The following SH3KBP1 variants were observed in gnomAD, a reference collection of about 807,000 sequenced individuals.
SH3KBP1 encodes the protein SH3 domain-containing kinase-binding protein 1.
A neutral mutation model predicts 50.1 loss-of-function variants in SH3KBP1; 8 were observed. The ratio of observed to expected loss-of-function variants is 0.16; its 90% CI spans 0.09 to 0.29. SH3KBP1 has a LOEUF of 0.29. Ranked by LOEUF, SH3KBP1 falls within the 10% of genes least tolerant of loss-of-function variation. The pLI is 1.00. For synonymous variants in SH3KBP1, 227 were observed against 218.6 expected (o/e 1.04, Z -0.34); for missense variants, 377 against 535.2 (o/e 0.70, Z 2.92).
In SH3KBP1 at chrX:19,546,989, G is replaced by A. The variant is rs1302206953; in HGVS notation, c.1495-939C>T. ...CAACATGGCGAAACTCTATCTCTAC[G>A]AAAAATACAAAAATTGGCCAGGCAT... On this transcript the variant is annotated intron_variant, in intron 14 of 17. Transcript: ENST00000397821. Among the ~76,000 whole-genome samples, 3 of 110,104 alleles carry A rather than the reference G, an allele frequency of 2.7e-5. No individual in the cohort carries two copies. In the Admixed American group the frequency reaches 2.9e-4, roughly 11 times the overall value.
chrX:19,631,060 C>T (rs1000854490), intron 8 of SH3KBP1, among the ~76,000 whole-genome samples: 2 of 111,976 alleles, frequency 1.8e-5, no homozygotes, highest in African/African-American at 6.5e-5. Context: ...GATGATCTCC[C>T]AAGTCACACT....
At chrX:19,850,175 TG>T (rs1415573304) in intron 1 of SH3KBP1, among the ~76,000 whole-genome samples, 1 of 111,670 alleles carries the variant, frequency 9.0e-6, no homozygotes, top group Non-Finnish European at 1.9e-5. Context: ...TAAAGGGTAC[TG>T]GGCATCTATA....
At chrX:19,536,650 C>T (rs952159939) in intron 17 of SH3KBP1, among the ~76,000 whole-genome samples, 192 bp from the exon 18 acceptor site, 15 of 112,224 alleles carry the variant, frequency 1.3e-4, no homozygotes, top group Admixed American at 3.8e-4. Context: ...CACACAGACA[C>T]GAGGCACTAG....
intron 8 of SH3KBP1, among the ~76,000 whole-genome samples, chrX:19,620,145 G>A (rs1223727102): frequency 8.9e-6 from 1 of 112,265 alleles, no homozygotes; most frequent in Non-Finnish European, 1.9e-5. Context: ...TGCTTCACAG[G>A]TAGACAGTAG....
At chrX:19,552,840 T>TA (rs1260278417) in intron 13 of SH3KBP1, among the ~76,000 whole-genome samples, 2 of 109,602 alleles carry the variant, frequency 1.8e-5, no homozygotes, top group Non-Finnish European at 3.8e-5. Context: ...AGCACTGCTC[T>TA]AGAGGAGGCT....
intron 2 of SH3KBP1, among the ~76,000 whole-genome samples, chrX:19,812,137 C>T (rs1344699302): frequency 9.0e-6 from 1 of 111,630 alleles, no homozygotes; most frequent in African/African-American, 3.3e-5. Context: ...GATATCATCT[C>T]TTTGTTAGTC....
At chrX:19,602,143 C>A (rs1280912731) in intron 9 of SH3KBP1, among the ~76,000 whole-genome samples, 2 of 110,857 alleles carry the variant, frequency 1.8e-5, no homozygotes, top group African/African-American at 3.3e-5. Flanking sequence ...AGGATCTGGG[C>A]CTCTCTTGGT....
chrX:19,620,983 AG>A (rs1206451228), intron 8 of SH3KBP1, among the ~76,000 whole-genome samples: 1 of 91,278 alleles, frequency 1.1e-5, no homozygotes. Context: ...GTCCATTTTG[AG>A]TTAAATTTGT....
chrX:19,778,042 T>A (rs1171361089), intron 2 of SH3KBP1, among the ~76,000 whole-genome samples: 2 of 110,854 alleles, frequency 1.8e-5, no homozygotes, highest in Non-Finnish European at 3.8e-5. Flanking sequence ...ATCCTACTCC[T>A]CCAGGAAGAA....
chrX:19,804,040 C>T (rs960442341), intron 2 of SH3KBP1, among the ~76,000 whole-genome samples: 19 of 111,680 alleles, frequency 1.7e-4, no homozygotes, highest in African/African-American at 5.2e-4. Flanking sequence ...GGCATGGTGG[C>T]GGGTGCCTGT....
intron 2 of SH3KBP1, among the ~76,000 whole-genome samples, chrX:19,818,181 A>G (rs981570637): frequency 2.7e-5 from 3 of 112,122 alleles, no homozygotes; most frequent in African/African-American, 6.5e-5. Context: ...CTGTATTTCA[A>G]TTCTTTTGGG....
intron 6 of SH3KBP1, among the ~76,000 whole-genome samples, chrX:19,661,990 T>C (rs773701038): frequency 2.7e-5 from 3 of 111,770 alleles, no homozygotes; most frequent in Non-Finnish European, 5.6e-5. Context: ...GTTCTACCCC[T>C]CCACGTTATT....
At chrX:19,598,254 TTTATTTA>T (rs1368648506) in intron 9 of SH3KBP1, among the ~76,000 whole-genome samples, 1 of 108,325 alleles carries the variant, frequency 9.2e-6, no homozygotes. Context: ...TATTTATTTA[TTTATTTA>T]TTTATTTATT....
At chrX:19,593,943 A>G (rs909321581) in intron 10 of SH3KBP1, among the ~76,000 whole-genome samples, 3 of 112,417 alleles carry the variant, frequency 2.7e-5, no homozygotes, top group Non-Finnish European at 5.6e-5. Context: ...AAAAGATGTA[A>G]TTAACATCCC....
intron 6 of SH3KBP1, 90 bp from the exon 7 acceptor site, chrX:19,645,565 C>A: frequency 1.3e-6 from 1 of 754,815 alleles, no homozygotes; most frequent in South Asian, 2.3e-5. Flanking sequence ...ACAAAATGCT[C>A]GAAATTGGTT....
At chrX:19,756,597 C>T (rs776502256) in intron 2 of SH3KBP1, among the ~76,000 whole-genome samples, 1 of 111,586 alleles carries the variant, frequency 9.0e-6, no homozygotes, top group Non-Finnish European at 1.9e-5. Context: ...AGCAACTTGA[C>T]AACTGTCTAT....
intron 6 of SH3KBP1, among the ~76,000 whole-genome samples, chrX:19,667,499 C>T (rs2062627974): frequency 9.0e-6 from 1 of 110,735 alleles, no homozygotes; most frequent in Admixed American, 9.6e-5. Flanking sequence ...CATGGTGGCT[C>T]ATGTCTGCAC....
chrX:19,564,584 T>C (rs1318037151), intron 13 of SH3KBP1, among the ~76,000 whole-genome samples: 1 of 108,060 alleles, frequency 9.3e-6, no homozygotes, highest in African/African-American at 3.4e-5. Context: ...CCCCTTCCTC[T>C]TTCTCTCTCA....
intron 9 of SH3KBP1, 131 bp downstream of exon 9, chrX:19,607,807 C>T (rs2148108945): frequency 1.3e-5 from 7 of 534,241 alleles, no homozygotes; most frequent in South Asian, 5.3e-5. Flanking sequence ...ATATGGCAGC[C>T]GAGGGCTCAG....
Sources: allele counts gnomAD v4.1 joint callset (sites outside exome capture counted in the v4.1 genomes callset), GRCh38; gene constraint gnomAD v4.1.1; transcripts MANE v1.5; gene names NCBI Gene and HGNC (gene_info 2026-07-23, HGNC 2026-07-21).